Variants in ENOX1 observed in about 807,000 individuals in gnomAD.
The protein encoded by ENOX1 is ecto-NOX disulfide-thiol exchanger 1.
Under a neutral mutation model 82.5 loss-of-function variants are expected in ENOX1, and 42 were observed. The observed-to-expected ratio is 0.51, with a 90% confidence interval of 0.40 to 0.66. The LOEUF (loss-of-function observed/expected upper bound fraction) is 0.66. Ranked by LOEUF, ENOX1 falls within the 30% of genes least tolerant of loss-of-function variation. The pLI, the probability that ENOX1 is intolerant of heterozygous loss-of-function variation, is 0.00. For synonymous variants in ENOX1, 271 were observed against 282.2 expected (o/e 0.96, Z 0.40); for missense variants, 608 against 811.6 (o/e 0.75, Z 3.05).
chr13:43,412,448 C>A (rs1179195953), intron 4 of ENOX1, among the ~76,000 whole-genome samples: 1 of 152,124 alleles, frequency 6.6e-6, no homozygotes, highest in Non-Finnish European at 1.5e-5. Flanking sequence ...AGCAGGCAGG[C>A]CTTCTATCTA....
intron 1 of ENOX1, among the ~76,000 whole-genome samples, chr13:43,680,777 G>T (rs1180784133): frequency 6.6e-6 from 1 of 152,120 alleles, no homozygotes; most frequent in Non-Finnish European, 1.5e-5. Context: ...TACAACCCAT[G>T]AACTATTTTT....
intron 1 of ENOX1, among the ~76,000 whole-genome samples, chr13:43,738,550 G>C (rs1028332981): frequency 6.6e-6 from 1 of 152,110 alleles, no homozygotes; most frequent in East Asian, 1.9e-4. Context: ...TTTTCAAAGA[G>C]AGGTGTCTTC....
chr13:43,785,436 C>T (rs1026223288), intron 1 of ENOX1, among the ~76,000 whole-genome samples: 3 of 152,218 alleles, frequency 2.0e-5, no homozygotes, highest in African/African-American at 7.2e-5. Flanking sequence ...CTCAAATCTG[C>T]AGCCCAGTTG....
At chr13:43,506,756 T>C (rs1029143451) in intron 2 of ENOX1, among the ~76,000 whole-genome samples, 3 of 141,238 alleles carry the variant, frequency 2.1e-5, no homozygotes, top group Non-Finnish European at 4.8e-5. Context: ...CAACACCGCA[T>C]GTTCTCACTC....
chr13:43,405,563 T>A (rs183558511), intron 5 of ENOX1, among the ~76,000 whole-genome samples: 2 of 152,318 alleles, frequency 1.3e-5, no homozygotes, highest in East Asian at 3.9e-4. Context: ...AGCAAATGGC[T>A]CTATGGTTAA....
rs547457974 is a variant in ENOX1, at chr13:43,478,170, A to G, written c.-75+5839T>C. 3.3e-5 allele frequency among the ~76,000 whole-genome samples: 5 copies of G among 150,914 alleles called. No homozygotes were observed. The South Asian group carries it at 1.1e-3, about 32-fold the overall frequency. ...AGATATATTATTAAATATGAGGGGT[A>G]GAAATAAATCACAGACACAAGTGGT... On this transcript the variant is annotated intron_variant, in intron 3 of 16. Coordinates refer to ENST00000690772, the MANE Select transcript of ENOX1 (RefSeq NM_001347969.2).
intron 2 of ENOX1, among the ~76,000 whole-genome samples, chr13:43,602,529 T>C (rs754007943): frequency 2.6e-5 from 4 of 152,160 alleles, no homozygotes; most frequent in Admixed American, 2.0e-4. Context: ...ATTTTTATTT[T>C]TAATGAATAT....
intron 15 of ENOX1, among the ~76,000 whole-genome samples, chr13:43,230,639 G>A: frequency 6.6e-6 from 1 of 152,218 alleles, no homozygotes; most frequent in South Asian, 2.1e-4. Flanking sequence ...TTACCACAGT[G>A]GTTTGGATAA....
At chr13:43,770,960 A>G (rs144143390) in intron 1 of ENOX1, among the ~76,000 whole-genome samples, 19 of 152,274 alleles carry the variant, frequency 1.2e-4, no homozygotes, top group African/African-American at 4.3e-4. Flanking sequence ...TCCAGGAGAA[A>G]AAAAAAATCA....
At chr13:43,362,610 C>T (rs539618354) in intron 5 of ENOX1, among the ~76,000 whole-genome samples, 7 of 152,258 alleles carry the variant, frequency 4.6e-5, no homozygotes, top group Non-Finnish European at 7.4e-5. Flanking sequence ...CTTAGGCCTC[C>T]GCATGGCCTC....
intron 2 of ENOX1, among the ~76,000 whole-genome samples, chr13:43,566,268 T>G (rs901990174): frequency 6.6e-6 from 1 of 152,142 alleles, no homozygotes; most frequent in African/African-American, 2.4e-5. Context: ...CTTGCAATAA[T>G]AAGACTACAT....
intron 1 of ENOX1, among the ~76,000 whole-genome samples, chr13:43,697,522 G>A (rs574447481): frequency 6.6e-6 from 1 of 152,302 alleles, no homozygotes; most frequent in South Asian, 2.1e-4. Context: ...CTGATAACTA[G>A]GAAGTTTAAT....
chr13:43,673,163 G>A (rs1195267769), intron 1 of ENOX1, among the ~76,000 whole-genome samples: 1 of 133,220 alleles, frequency 7.5e-6, no homozygotes, highest in African/African-American at 3.4e-5. Flanking sequence ...CATAAAATTT[G>A]TTTGCATGTG....
chr13:43,520,139 G>A (rs1329450041), intron 2 of ENOX1, among the ~76,000 whole-genome samples: 2 of 152,108 alleles, frequency 1.3e-5, no homozygotes, highest in African/African-American at 4.8e-5. Context: ...ATAAATAAGT[G>A]CACTCTAGTT....
chr13:43,494,590 A>G (rs1213246621), intron 2 of ENOX1, among the ~76,000 whole-genome samples: 1 of 151,900 alleles, frequency 6.6e-6, no homozygotes, highest in Non-Finnish European at 1.5e-5. Context: ...TTCTTTCACA[A>G]TAATAAACAA....
intron 2 of ENOX1, among the ~76,000 whole-genome samples, chr13:43,586,410 A>AT (rs2080984410): frequency 3.3e-5 from 5 of 152,188 alleles, no homozygotes; most frequent in Admixed American, 3.3e-4. Flanking sequence ...GTGCTTCAAC[A>AT]TGACTCTGTG....
intron 2 of ENOX1, among the ~76,000 whole-genome samples, chr13:43,490,436 T>C (rs893910947): frequency 2.0e-5 from 3 of 152,126 alleles, no homozygotes; most frequent in African/African-American, 4.8e-5. Flanking sequence ...AATCAATGTA[T>C]TTTGCATGTG....
At chr13:43,305,561 GA>G (rs35122430) in intron 11 of ENOX1, among the ~76,000 whole-genome samples, 2 of 151,092 alleles carry the variant, frequency 1.3e-5, no homozygotes, top group African/African-American at 4.9e-5. Context: ...GGTGACTCAG[GA>G]AAAAAAAATT....
intron 2 of ENOX1, among the ~76,000 whole-genome samples, chr13:43,491,666 C>T (rs1038690086): frequency 6.6e-5 from 10 of 152,026 alleles, no homozygotes; most frequent in South Asian, 2.1e-4. Context: ...ACTTGAGAGG[C>T]GGAGGCAGGA....
Sources: gnomAD v4.1 joint callset for allele counts (sites outside exome capture counted in the v4.1 genomes callset) on GRCh38, gnomAD v4.1.1 for gene constraint, MANE v1.5 for transcripts, NCBI Gene and HGNC (gene_info 2026-07-23, HGNC 2026-07-21) for gene names.